TMEM45A: variants seen among roughly 807,000 people sequenced by gnomAD.
TMEM45A encodes the protein DNA polymerase-transactivated protein 4.
Under a neutral mutation model 32.0 loss-of-function variants are expected in TMEM45A, and 25 were observed. The observed-to-expected ratio is 0.78, with a 90% CI of 0.57 to 1.09. The LOEUF (loss-of-function observed/expected upper bound fraction) is 1.09. Among genes scored for constraint, TMEM45A ranks in the 50% least tolerant of loss-of-function variants. TMEM45A has a pLI of 0.00. For missense variants in TMEM45A, 302 were observed against 325.0 expected (o/e 0.93, Z 0.54); for synonymous variants, 122 against 114.8 (o/e 1.06, Z -0.40).
Position 100,574,326 on chromosome 3 carries a change from C to T in TMEM45A, c.735-2599C>T, listed in dbSNP as rs530502344. On this transcript the variant is annotated intron_variant, in intron 5 of 5. Transcript: ENST00000323523. The stretch of plus-strand genomic sequence containing the variant: ...AAAATGATAAAGGGGATGTCACCAC[C>T]GATCCCACAGAAATACAAACTACCA... The T allele has an allele frequency of 1.1e-3, 167 of 152,204 alleles. 1 individual carries two copies. The highest frequency in any genetic ancestry group is 3.9e-3 in the African/African-American group (162 of 41,522). 9.4% of individuals were successfully genotyped at this position (152,204 alleles called of 1,614,324 possible).
At position 100,555,281 on chromosome 3, in the gene TMEM45A, A is replaced by G. The variant is rs1184957240; in HGVS notation, c.70A>G (p.Lys24Glu). The G allele has an allele frequency of 6.2e-7, 1 of 1,613,996 alleles. No individual in the cohort carries two copies. Among genetic ancestry groups the G allele is most frequent in the Admixed American group, 1.7e-5 (1 of 60,028 alleles). The part of the protein sequence containing the change: ...FFIIGLWWCT[K>E]SILKYICKKQ... ...TATTATTGGTCTTTGGTGGTGTACAAAGAGTATTCTGAAGTATATCTGCAA... is the reference window on the plus strand; with the variant it reads ...TATTATTGGTCTTTGGTGGTGTACAGAGAGTATTCTGAAGTATATCTGCAA... The change falls in exon 2 of 6, where the codon AAG becomes GAG. Residue 24 changes from lysine to glutamate, a missense_variant. Coordinates refer to ENST00000323523, the MANE Select transcript of TMEM45A (RefSeq NM_018004.3).
At chr3:100,511,017 A>G (rs1158894529) in intron 1 of TMEM45A, among the ~76,000 whole-genome samples, 7 of 151,888 alleles carry the variant, frequency 4.6e-5, no homozygotes, top group African/African-American at 1.4e-4. Flanking sequence ...TGAAAGTGAC[A>G]GGGAGAATGG....
intron 3 of TMEM45A, among the ~76,000 whole-genome samples, chr3:100,557,916 G>A (rs1257463195): frequency 6.6e-6 from 1 of 152,174 alleles, no homozygotes; most frequent in East Asian, 1.9e-4. Context: ...GTATGTGTTT[G>A]CTTCCTCCAG....
Position 100,568,871 on chromosome 3 carries a change from T to A in TMEM45A, c.638T>A (p.Met213Lys), listed in dbSNP as rs781663570. Residue 213 changes from methionine (M) to lysine (K), a missense_variant, in exon 5 of 6, where the codon ATG becomes AAG. Physicochemically the swap from Met to Lys is moderately conservative, Grantham distance 95. Coordinates refer to ENST00000323523, the MANE Select transcript of TMEM45A (RefSeq NM_018004.3). Reference sequence around the variant, plus strand: ...AGTGGAGGTCCTGCATGGGATCTGATGGATCATGAAAATATTTTGTTTCTC... The same window carrying A: ...AGTGGAGGTCCTGCATGGGATCTGAAGGATCATGAAAATATTTTGTTTCTC... Reference protein sequence around the residue: ...PPSGGPAWDLMDHENILFLTI... With the variant: ...PPSGGPAWDLKDHENILFLTI... 1.9e-6 allele frequency: 3 copies of A among 1,614,002 alleles called. No individual in the cohort carries two copies. Among genetic ancestry groups the A allele is most frequent in the Non-Finnish European group, 1.7e-6 (2 of 1,179,886 alleles).
intron 1 of TMEM45A, among the ~76,000 whole-genome samples, chr3:100,545,141 G>A (rs1014606395): frequency 4.6e-5 from 7 of 152,004 alleles, no homozygotes; most frequent in Admixed American, 4.6e-4. Flanking sequence ...GTTTTGATGT[G>A]GTCAACTTCC....
intron 1 of TMEM45A, among the ~76,000 whole-genome samples, chr3:100,526,713 T>C (rs986827721): frequency 6.6e-6 from 1 of 152,212 alleles, no homozygotes; most frequent in African/African-American, 2.4e-5. Flanking sequence ...AAATTCTAGA[T>C]TTTCTTTTCT....
In TMEM45A at chr3:100,555,412, C is replaced by A. The variant is rs1468121911; in HGVS notation, c.190+11C>A. 5.6e-6 allele frequency: 9 copies of A among 1,602,542 alleles called. No individual in the cohort carries two copies. The highest frequency in any genetic ancestry group is 7.7e-6 in the Non-Finnish European group (9 of 1,174,408). ...GCATGGCTTTAACTGGTGAGTGGAC[C>A]ATTCTGTGTTCTATTTTTACCTTTT... On this transcript the variant is annotated intron_variant, in intron 2 of 5. Transcript: ENST00000323523.
intron 1 of TMEM45A, among the ~76,000 whole-genome samples, chr3:100,530,202 G>C (rs977413952): frequency 6.6e-6 from 1 of 152,186 alleles, no homozygotes; most frequent in Non-Finnish European, 1.5e-5. Context: ...GTTCTCTAGA[G>C]AGACATAACC....
intron 1 of TMEM45A, among the ~76,000 whole-genome samples, chr3:100,515,837 T>C (rs1408585828): frequency 6.6e-6 from 1 of 152,032 alleles, no homozygotes; most frequent in African/African-American, 2.4e-5. Context: ...TACCAGAGGC[T>C]GGGAAGGGTG....
Position 100,556,878 on chromosome 3 carries a change from G to T in TMEM45A, c.309G>T (p.Gly103=). The part of the protein sequence containing the change: ...WHHFTMYFFF[G]LLGVADILCF... The stretch of plus-strand genomic sequence containing the variant: ...ATTTCACCATGTATTTCTTCTTTGG[G>T]CTGTTGGGTGTGGCAGATATCTTAT... The change falls in exon 3 of 6, where the codon GGG becomes GGT. Residue 103 remains glycine, a synonymous_variant. Coordinates refer to ENST00000323523, the MANE Select transcript of TMEM45A (RefSeq NM_018004.3). 1 of 1,614,162 alleles carries T rather than the reference G, an allele frequency of 6.2e-7. No homozygotes were observed. The highest frequency in any genetic ancestry group is 8.5e-7 in the Non-Finnish European group (1 of 1,180,026).
At chr3:100,546,554 C>A (rs116469856) in intron 1 of TMEM45A, among the ~76,000 whole-genome samples, 10 of 152,194 alleles carry the variant, frequency 6.6e-5, no homozygotes, top group Non-Finnish European at 1.5e-4. Context: ...AGCATCTAGA[C>A]CTTTGTCAAT....
In TMEM45A at chr3:100,564,474, GT is replaced by G. The variant is rs372982304; in HGVS notation, c.589-4334del. ...GCAACTAAAGCAAATTATTATTATT[GT>G]TTTTTTTTTTTTTCCTTTGAGACAG... On this transcript the variant is annotated intron_variant, in intron 4 of 5. Transcript: ENST00000323523. Among the ~76,000 whole-genome samples the G allele has an allele frequency of 2.7e-3, 381 of 142,848 alleles. 4 individuals are homozygous for G. Among genetic ancestry groups the G allele is most frequent in the African/African-American group, 4.7e-3 (183 of 38,906 alleles). The allele number at this position is 142,848 out of a possible 152,430, so 93.7% of individuals were successfully genotyped here. A position where few individuals can be genotyped will look rare whatever the true frequency, so the allele number is the denominator to read the frequency against.
Position 100,568,878 on chromosome 3 carries a change from T to C in TMEM45A, c.645T>C (p.His215=). 1.2e-6 allele frequency: 2 copies of C among 1,613,974 alleles called. No homozygotes were observed. Among genetic ancestry groups the C allele is most frequent in the Non-Finnish European group, 1.7e-6 (2 of 1,179,854 alleles). ...SGGPAWDLMD[H]ENILFLTICF... is the part of the protein sequence containing the mutation. Reference sequence around the variant, plus strand: ...GTCCTGCATGGGATCTGATGGATCATGAAAATATTTTGTTTCTCACCATAT... The same window carrying C: ...GTCCTGCATGGGATCTGATGGATCACGAAAATATTTTGTTTCTCACCATAT... Residue 215 remains histidine (H), a synonymous_variant, in exon 5 of 6, where the codon CAT becomes CAC. Transcript: ENST00000323523.
At chr3:100,573,320 C>T in intron 5 of TMEM45A, 1 of 151,690 alleles carries the variant, frequency 6.6e-6, no homozygotes, top group Non-Finnish European at 1.5e-5. Context: ...CCTTCACATC[C>T]CTTGTAAGTT....
At chr3:100,517,120 C>CTTTT (rs951272463) in intron 1 of TMEM45A, among the ~76,000 whole-genome samples, 2 of 151,650 alleles carry the variant, frequency 1.3e-5, no homozygotes, top group Non-Finnish European at 2.9e-5. Flanking sequence ...TTTTTCTTTT[C>CTTTT]TTTTCTTTTT....
chr3:100,542,547 G>A (rs532853298), intron 1 of TMEM45A, among the ~76,000 whole-genome samples: 18 of 152,076 alleles, frequency 1.2e-4, no homozygotes, highest in African/African-American at 3.4e-4. Context: ...AAATTTTCAC[G>A]AACTATTCAG....
chr3:100,523,958 T>C (rs1189423678), intron 1 of TMEM45A, among the ~76,000 whole-genome samples: 2 of 152,222 alleles, frequency 1.3e-5, no homozygotes, highest in African/African-American at 4.8e-5. Context: ...TTTTGTTTGG[T>C]CATAGTAGAA....
chr3:100,510,244 G>C (rs1010456094), intron 1 of TMEM45A, among the ~76,000 whole-genome samples: 1 of 152,190 alleles, frequency 6.6e-6, no homozygotes, highest in Non-Finnish European at 1.5e-5. Context: ...AGAGAGCAGT[G>C]GTTCTCCCAG....
At chr3:100,536,367 C>T (rs1350820007) in intron 1 of TMEM45A, among the ~76,000 whole-genome samples, 1 of 152,142 alleles carries the variant, frequency 6.6e-6, no homozygotes, top group Non-Finnish European at 1.5e-5. Context: ...TTGGTGTAGC[C>T]ACTGCTGGTG....
Sources: allele counts gnomAD v4.1 joint callset (sites outside exome capture counted in the v4.1 genomes callset), GRCh38; gene constraint gnomAD v4.1.1; transcripts MANE v1.5; gene names NCBI Gene and HGNC (gene_info 2026-07-23, HGNC 2026-07-21).